The following METTL25 variants were observed in gnomAD, a reference collection of about 807,000 sequenced individuals.
METTL25 encodes the protein probable methyltransferase-like protein 25.
METTL25 carries 64 observed loss-of-function variants against 71.6 expected under a neutral mutation model. The observed-to-expected ratio is 0.89, with a 90% confidence interval of 0.73 to 1.10. The LOEUF is 1.10. Among genes scored for constraint, METTL25 ranks in the 50% least tolerant of loss-of-function variants. The pLI is 0.00. For synonymous variants in METTL25, 287 were observed against 250.3 expected (o/e 1.15, Z -1.38); for missense variants, 807 against 707.0 (o/e 1.14, Z -1.60).
At chr12:82,403,370 T>G (rs1344963085) in intron 5 of METTL25, among the ~76,000 whole-genome samples, 3 of 152,196 alleles carry the variant, frequency 2.0e-5, no homozygotes, top group Non-Finnish European at 4.4e-5. Context: ...GCTGAAGCCT[T>G]TGCAAATATT....
intron 9 of METTL25, among the ~76,000 whole-genome samples, chr12:82,467,396 G>A (rs1190659191): frequency 6.6e-6 from 1 of 151,882 alleles, no homozygotes; most frequent in Non-Finnish European, 1.5e-5. Flanking sequence ...CTTTGATAAT[G>A]GTGATTGTTA....
chr12:82,363,074 G>A (rs1198020713), intron 1 of METTL25, among the ~76,000 whole-genome samples: 1 of 152,120 alleles, frequency 6.6e-6, no homozygotes, highest in Non-Finnish European at 1.5e-5. Context: ...TCAGAGATCG[G>A]AGCAGGTGCA....
At chr12:82,393,553 TATC>T (rs757972373) in intron 3 of METTL25, among the ~76,000 whole-genome samples, 10 of 152,072 alleles carry the variant, frequency 6.6e-5, no homozygotes, top group Admixed American at 1.3e-4. Context: ...TATAAGATCA[TATC>T]ATCTGTAAAC....
chr12:82,386,277 A>G lies in METTL25; in HGVS notation c.260-526A>G, dbSNP rs1057201186. Among the ~76,000 whole-genome samples, 7 of 152,272 alleles carry G rather than the reference A, an allele frequency of 4.6e-5. No homozygotes were observed. In the East Asian group the frequency reaches 1.4e-3, roughly 29 times the overall value. On this transcript the variant is annotated intron_variant, in intron 1 of 11. Coordinates refer to ENST00000248306, the MANE Select transcript of METTL25 (RefSeq NM_032230.3). Reference sequence around the variant, plus strand: ...GGGACATTTATATACCACTGGGGATATTACCATTGTTCCTCATGCACTGTG... The same window carrying G: ...GGGACATTTATATACCACTGGGGATGTTACCATTGTTCCTCATGCACTGTG...
chr12:82,460,681 A>C (rs899328161), intron 9 of METTL25, among the ~76,000 whole-genome samples: 2 of 152,200 alleles, frequency 1.3e-5, no homozygotes, highest in African/African-American at 4.8e-5. Flanking sequence ...TCTGCAAATC[A>C]AGACAAGTTT....
chr12:82,451,778 C>T (rs1891162514), intron 8 of METTL25, among the ~76,000 whole-genome samples: 1 of 152,024 alleles, frequency 6.6e-6, no homozygotes, highest in African/African-American at 2.4e-5. Context: ...AATATTTTGT[C>T]ATAATTTTCT....
At chr12:82,464,994 C>CT (rs1429929550) in intron 9 of METTL25, among the ~76,000 whole-genome samples, 6 of 151,438 alleles carry the variant, frequency 4.0e-5, no homozygotes, top group African/African-American at 1.5e-4. Context: ...AGTTCTAAGA[C>CT]TTTTTTTGGT....
intron 5 of METTL25, among the ~76,000 whole-genome samples, chr12:82,414,917 A>T (rs979839921): frequency 5.9e-5 from 9 of 152,134 alleles, no homozygotes; most frequent in Non-Finnish European, 1.3e-4. Context: ...AATGTGTGAA[A>T]TTTTTATTGG....
chr12:82,394,893 A>G (rs1436540874), intron 3 of METTL25, among the ~76,000 whole-genome samples: 1 of 151,828 alleles, frequency 6.6e-6, no homozygotes, highest in African/African-American at 2.4e-5. Context: ...AACTTTTCTT[A>G]TAGAGGGAAC....
chr12:82,380,541 C>T (rs1884344537), intron 1 of METTL25, among the ~76,000 whole-genome samples: 1 of 152,042 alleles, frequency 6.6e-6, no homozygotes, highest in Non-Finnish European at 1.5e-5. Flanking sequence ...CATAAAACAA[C>T]CCTATGAAAT....
intron 9 of METTL25, among the ~76,000 whole-genome samples, chr12:82,473,505 G>T (rs115433085): frequency 0.01 from 1,541 of 152,276 alleles, 18 homozygotes; most frequent in African/African-American, 0.036. Context: ...TCTCAGGCCT[G>T]TGTCATAGGC....
intron 1 of METTL25, among the ~76,000 whole-genome samples, chr12:82,363,727 T>C (rs998157021): frequency 2.1e-4 from 15 of 70,700 alleles, no homozygotes; most frequent in South Asian, 1.9e-3. Context: ...AAAAACTAGA[T>C]GTTTAAAAAA....
chr12:82,371,617 C>G (rs550556310), intron 1 of METTL25, among the ~76,000 whole-genome samples: 1 of 152,252 alleles, frequency 6.6e-6, no homozygotes, highest in Admixed American at 6.5e-5. Flanking sequence ...TTATAGAACA[C>G]CAAGATTGCC....
intron 9 of METTL25, among the ~76,000 whole-genome samples, chr12:82,472,313 C>G (rs1375238953): frequency 6.6e-6 from 1 of 152,014 alleles, no homozygotes. Context: ...AAAAAAAATT[C>G]TTGGGCCTGG....
chr12:82,431,413 T>G (rs2717453), intron 6 of METTL25, among the ~76,000 whole-genome samples: 5,698 of 151,718 alleles, frequency 0.038, 154 homozygotes, highest in Non-Finnish European at 0.061. Flanking sequence ...GCCCATAATG[T>G]TCTCTGTTCA....
At chr12:82,361,073 A>C (rs1482818802) in intron 1 of METTL25, among the ~76,000 whole-genome samples, 2 of 152,022 alleles carry the variant, frequency 1.3e-5, no homozygotes, top group Non-Finnish European at 2.9e-5. Flanking sequence ...GTCTGCTTTT[A>C]TTCTCTTATC....
intron 5 of METTL25, among the ~76,000 whole-genome samples, chr12:82,427,912 A>G (rs1193152454): frequency 2.0e-5 from 3 of 152,000 alleles, no homozygotes; most frequent in Admixed American, 2.0e-4. Flanking sequence ...GACTTAAACA[A>G]GACACAGGGA....
chr12:82,386,642 G>C (rs1445779867), intron 1 of METTL25, among the ~76,000 whole-genome samples, 161 bp from the exon 2 acceptor site: 1 of 152,040 alleles, frequency 6.6e-6, no homozygotes, highest in Non-Finnish European at 1.5e-5. Context: ...CGTTTAAATA[G>C]TAAATATAAA....
chr12:82,384,829 G>C (rs553567595), intron 1 of METTL25, among the ~76,000 whole-genome samples: 1 of 151,850 alleles, frequency 6.6e-6, no homozygotes, highest in Non-Finnish European at 1.5e-5. Context: ...TTGTCCAATA[G>C]CTAACTATTA....
Sources: gnomAD v4.1 joint callset for allele counts (sites outside exome capture counted in the v4.1 genomes callset) on GRCh38, gnomAD v4.1.1 for gene constraint, MANE v1.5 for transcripts, NCBI Gene and HGNC (gene_info 2026-07-23, HGNC 2026-07-21) for gene names.